XG: variants seen among roughly 807,000 people sequenced by gnomAD.
XG encodes Xg glycoprotein (Xg blood group).
A neutral mutation model predicts 25.7 loss-of-function variants in XG; 24 were observed. That is an observed-to-expected ratio of 0.93 (90% confidence interval 0.68 to 1.31). XG has a LOEUF of 1.31. XG is among the 40% of genes most tolerant of loss of function. The probability of loss-of-function intolerance (pLI) is 0.00; values close to 1 mark genes in which losing one functional copy is unlikely to be tolerated. For missense variants in XG, 181 were observed against 187.6 expected, an observed-to-expected ratio of 0.96 and a Z score of 0.21; for synonymous variants, 77 against 69.2, an observed-to-expected ratio of 1.11 and a Z score of -0.56.
At chrX:2,777,842 C>T (rs1324755278) in intron 3 of XG, among the ~76,000 whole-genome samples, 5 of 152,136 alleles carry the variant, frequency 3.3e-5, no homozygotes, top group African/African-American at 1.2e-4. Context: ...GGGTGGATCA[C>T]GAGGTCAGGA....
At chrX:2,765,936 C>T (rs1243666421) in intron 1 of XG, among the ~76,000 whole-genome samples, 1 of 152,210 alleles carries the variant, frequency 6.6e-6, no homozygotes, top group East Asian at 1.9e-4. Context: ...AAAAGACATA[C>T]AAATGTATTT....
At chrX:2,780,937 G>A (rs1184954540) in intron 3 of XG, among the ~76,000 whole-genome samples, 1 of 151,994 alleles carries the variant, frequency 6.6e-6, no homozygotes, top group African/African-American at 2.4e-5. Flanking sequence ...TAGAATGGGA[G>A]GCAGGTTGGC....
At chrX:2,788,617 G>A (rs1449926314) in intron 4 of XG, among the ~76,000 whole-genome samples, 8 of 111,568 alleles carry the variant, frequency 7.2e-5, no homozygotes, top group African/African-American at 9.8e-5. Context: ...CACTTTGGGA[G>A]GCCAAGGTGG....
At chrX:2,795,578 A>G (rs1440361576) in intron 6 of XG, among the ~76,000 whole-genome samples, 1 of 110,261 alleles carries the variant, frequency 9.1e-6, no homozygotes, top group Non-Finnish European at 1.9e-5. Context: ...ATGTATGTAC[A>G]CACAACTTTA....
At chrX:2,762,494 G>A (rs1338010061) in intron 1 of XG, among the ~76,000 whole-genome samples, 1 of 152,038 alleles carries the variant, frequency 6.6e-6, no homozygotes, top group African/African-American at 2.4e-5. Flanking sequence ...GCCCCGGTGA[G>A]CTTGAGCATT....
intron 4 of XG, among the ~76,000 whole-genome samples, chrX:2,786,313 G>A (rs1398407484): frequency 1.1e-5 from 1 of 88,096 alleles, no homozygotes; most frequent in Non-Finnish European, 2.1e-5. Flanking sequence ...AGGCTGGAGT[G>A]CAATGGCACG....
Position 2,752,308 on chromosome X carries a change from T to C in XG, c.34T>C (p.Phe12Leu), listed in dbSNP as rs996080687. 6.2e-7 allele frequency: 1 copy of C among 1,613,544 alleles called. No homozygotes were observed. The highest frequency in any genetic ancestry group is 1.3e-5 in the African/African-American group (1 of 74,888). The change falls in exon 1 of 11, where the codon TTC (phenylalanine) becomes CTC (leucine). Residue 12 changes from phenylalanine (F) to leucine (L), a missense_variant. Phe to Leu is a conservative substitution (Grantham distance 22). Coordinates refer to ENST00000644266, the MANE Select transcript of XG (RefSeq NM_001141919.2). ...ESWWGLPCLA[F>L]LCFLMHARGQ... ...CTGGTGGGGACTTCCCTGTCTTGCG[T>C]TCCTGTGTTTTCTAATGCACGCCCG... is the stretch of plus-strand genomic sequence containing the variant.
chrX:2,765,041 C>CA (rs1219282861), intron 1 of XG, among the ~76,000 whole-genome samples: 23,608 of 36,284 alleles, frequency 0.65, 7,522 homozygotes, highest in Non-Finnish European at 0.7. Flanking sequence ...ATTCTTTATC[C>CA]AAAAAAAAAA....
rs2086734204 is a variant in XG, at chrX:2,782,058, C to T, written c.128-8C>T. On this transcript the variant is annotated splice_region_variant and splice_polypyrimidine_tract_variant and intron_variant, in intron 3 of 10. Transcript: ENST00000644266. ...TTTTCTAACAGTGCAATGTTGTTTC[C>T]TCCACAGATATCTACCCAAAGCCAA... is the stretch of plus-strand genomic sequence containing the variant. The T allele has an allele frequency of 8.3e-7, 1 of 1,210,553 alleles. No homozygotes were observed. The highest frequency in any genetic ancestry group is 2.2e-5 in the Admixed American group (1 of 45,972).
chrX:2,772,967 G>C (rs73630868), intron 2 of XG, among the ~76,000 whole-genome samples: 11,117 of 150,502 alleles, frequency 0.074, 451 homozygotes, highest in Admixed American at 0.13. Context: ...ACTTTTCACT[G>C]TCTATACTGC....
chrX:2,759,050 G>A (rs311116), intron 1 of XG, among the ~76,000 whole-genome samples: 135,345 of 151,972 alleles, frequency 0.89, 60,566 homozygotes, highest in Non-Finnish European at 0.92. Flanking sequence ...CTATCCATCC[G>A]TCTATCAATC....
chrX:2,759,672 TC>T, intron 1 of XG, among the ~76,000 whole-genome samples: 1 of 151,620 alleles, frequency 6.6e-6, no homozygotes, highest in East Asian at 1.9e-4. Flanking sequence ...AAGCACGGAG[TC>T]CAAGAAATGT....
At chrX:2,774,930 A>T (rs1879082580) in intron 3 of XG, 191 bp downstream of exon 3, 1 of 694,934 alleles carries the variant, frequency 1.4e-6, no homozygotes, top group African/African-American at 1.8e-5. Flanking sequence ...GTGAAGCACC[A>T]CTTCGTCCCC....
chrX:2,759,522 G>A (rs752368144), intron 1 of XG, among the ~76,000 whole-genome samples: 88 of 152,322 alleles, frequency 5.8e-4, no homozygotes, highest in African/African-American at 2.0e-3. Flanking sequence ...AGGGCATAGA[G>A]CCATGGCACA....
At chrX:2,772,464 C>T (rs1417165917) in intron 2 of XG, among the ~76,000 whole-genome samples, 1 of 152,112 alleles carries the variant, frequency 6.6e-6, no homozygotes, top group Non-Finnish European at 1.5e-5. Context: ...CACAAAAGGC[C>T]ACAGGGTGTA....
intron 9 of XG, among the ~76,000 whole-genome samples, chrX:2,810,667 A>G (rs1285529423): frequency 9.0e-6 from 1 of 110,616 alleles, no homozygotes; most frequent in African/African-American, 3.3e-5. Flanking sequence ...TGTAATCCCA[A>G]CACTTTGGGA....
chrX:2,805,259 C>T lies in XG; in HGVS notation c.374-1442C>T, dbSNP rs187759791. 4.5e-3 allele frequency among the ~76,000 whole-genome samples: 507 copies of T among 112,270 alleles called. 1 individual carries two copies. Among genetic ancestry groups the T allele is most frequent in the Non-Finnish European group, 8.0e-3 (423 of 53,197 alleles). Reference sequence around the variant, plus strand: ...GAGACTGGGGAGAAAATGTTGCGCTCGTCGTTTTTAAATACTGGGGGACAA... The same window carrying T: ...GAGACTGGGGAGAAAATGTTGCGCTTGTCGTTTTTAAATACTGGGGGACAA... On this transcript the variant is annotated intron_variant, in intron 7 of 10. Coordinates refer to ENST00000644266, the MANE Select transcript of XG (RefSeq NM_001141919.2).
chrX:2,755,656 C>T (rs1310678552), intron 1 of XG, among the ~76,000 whole-genome samples: 2 of 152,096 alleles, frequency 1.3e-5, no homozygotes, highest in African/African-American at 2.4e-5. Context: ...ACACAAGTAG[C>T]GCCCCTTAGG....
intron 1 of XG, among the ~76,000 whole-genome samples, chrX:2,757,706 T>C (rs1206978476): frequency 2.0e-5 from 3 of 151,776 alleles, no homozygotes; most frequent in African/African-American, 7.3e-5. Flanking sequence ...GCACAGTGGC[T>C]CATGTTTGTA....
Sources: gnomAD v4.1 joint callset for allele counts (sites outside exome capture counted in the v4.1 genomes callset) on GRCh38, gnomAD v4.1.1 for gene constraint, MANE v1.5 for transcripts, NCBI Gene and HGNC (gene_info 2026-07-23, HGNC 2026-07-21) for gene names.